SHLD2: variants seen among roughly 807,000 people sequenced by gnomAD.
SHLD2 encodes shieldin complex subunit 2, also known as RINN1-REV7-interacting novel NHEJ regulator 2.
Under a neutral mutation model 73.2 loss-of-function variants are expected in SHLD2, and 30 were observed. The observed-to-expected ratio is 0.41, with a 90% CI of 0.31 to 0.56. The LOEUF is 0.56. Among genes scored for constraint, SHLD2 ranks in the 20% least tolerant of loss-of-function variants. The probability of loss-of-function intolerance (pLI) is 0.28; values close to 1 mark genes in which losing one functional copy is unlikely to be tolerated. For synonymous variants in SHLD2, 285 were observed against 370.1 expected (o/e 0.77, Z 2.64); for missense variants, 745 against 1,055.9 (o/e 0.71, Z 4.08).
intron 3 of SHLD2, among the ~76,000 whole-genome samples, chr10:87,154,831 G>A (rs6586060): frequency 0.72 from 109,514 of 152,116 alleles, 40,444 homozygotes; most frequent in Middle Eastern, 0.9. Flanking sequence ...GTATTTAGAA[G>A]AAGAAAACTT....
At chr10:87,148,570 G>C (rs940596025) in intron 2 of SHLD2, among the ~76,000 whole-genome samples, 90 of 144,826 alleles carry the variant, frequency 6.2e-4, no homozygotes, top group African/African-American at 2.2e-3. Flanking sequence ...GGGGGGCGGG[G>C]GTTGGTTTTA....
intron 2 of SHLD2, among the ~76,000 whole-genome samples, chr10:87,106,133 A>G (rs950922719): frequency 1.3e-5 from 2 of 152,126 alleles, no homozygotes; most frequent in African/African-American, 4.8e-5. Flanking sequence ...CCTCCCCAGT[A>G]GCTGGGATTA....
At chr10:87,146,695 G>T (rs2134276678) in intron 2 of SHLD2, among the ~76,000 whole-genome samples, 1 of 152,016 alleles carries the variant, frequency 6.6e-6, no homozygotes, top group South Asian at 2.1e-4. Context: ...GCCCAGGGAA[G>T]CCAAAAGATT....
At chr10:87,108,393 C>T (rs1842730868) in intron 2 of SHLD2, among the ~76,000 whole-genome samples, 1 of 152,102 alleles carries the variant, frequency 6.6e-6, no homozygotes, top group African/African-American at 2.4e-5. Context: ...GCTGTGTTGG[C>T]CAGGCTGGTC....
intron 2 of SHLD2, among the ~76,000 whole-genome samples, chr10:87,148,857 G>A (rs928564503): frequency 3.3e-5 from 5 of 150,980 alleles, no homozygotes; most frequent in African/African-American, 1.2e-4. Context: ...CATTTGATTT[G>A]CATATATCTA....
chr10:87,177,914 AAC>A (rs1848045464), intron 7 of SHLD2, among the ~76,000 whole-genome samples: 2 of 152,208 alleles, frequency 1.3e-5, no homozygotes, highest in Non-Finnish European at 1.5e-5. Flanking sequence ...GGATTATGTG[AAC>A]ATTCTTTTAA....
At chr10:87,115,221 T>C (rs7393897) in intron 2 of SHLD2, 38,654 of 152,040 alleles carry the variant, frequency 0.25, 5,307 homozygotes, top group Middle Eastern at 0.35. Context: ...AGCTAATTTT[T>C]GTATTTTTAG....
chr10:87,151,474 G>C lies in SHLD2; in HGVS notation c.120G>C (p.Gln40His), dbSNP rs926096323. 1 of 1,610,428 alleles carries C rather than the reference G, an allele frequency of 6.2e-7. No homozygotes were observed. The highest frequency in any genetic ancestry group is 1.3e-5 in the African/African-American group (1 of 74,732). Residue 40 changes from glutamine to histidine, a missense_variant, in exon 3 of 10, where the codon CAG (glutamine) becomes CAC (histidine). By Grantham distance (24) the Gln-to-His change is conservative. Transcript: ENST00000298786. ...TTGCTGACCCCTGGAAAAAAATTCA[G>C]CTTTTATACAGTCAACATTCTTTAT... ...MSVADPWKKIQLLYSQHSLYL... is the reference protein window; with the variant it reads ...MSVADPWKKIHLLYSQHSLYL...
chr10:87,124,207 ATAT>A (rs1169645986), intron 2 of SHLD2, among the ~76,000 whole-genome samples: 1 of 152,152 alleles, frequency 6.6e-6, no homozygotes, highest in East Asian at 1.9e-4. Context: ...TTTTTGAAAA[ATAT>A]TATACAATGA....
At chr10:87,131,011 G>A (rs1487579387) in intron 2 of SHLD2, among the ~76,000 whole-genome samples, 3 of 152,050 alleles carry the variant, frequency 2.0e-5, no homozygotes, top group Non-Finnish European at 2.9e-5. Context: ...AGGTTGCAGC[G>A]TGCTGAGATC....
At position 87,096,923 on chromosome 10, in the gene SHLD2, G is replaced by C. The variant is rs1209278778; in HGVS notation, c.-61-11G>C. The C allele has an allele frequency of 6.6e-6, 1 of 152,090 alleles. No individual in the cohort carries two copies. The highest frequency in any genetic ancestry group is 2.4e-5 in the African/African-American group (1 of 41,408). The allele number at this position is 152,090 out of a possible 1,614,324, so 9.4% of individuals were successfully genotyped here. A position where few individuals can be genotyped will look rare whatever the true frequency, so the allele number is the denominator to read the frequency against. ...CATTGTCATTAATTGTATTTGCACTGTGTTTTTCAGTGAAAAATGTACTCT... is the reference window on the plus strand; with the variant it reads ...CATTGTCATTAATTGTATTTGCACTCTGTTTTTCAGTGAAAAATGTACTCT... On this transcript the variant is annotated splice_polypyrimidine_tract_variant and intron_variant, in intron 1 of 9. Transcript: ENST00000298786.
At chr10:87,148,269 A>C (rs944781514) in intron 2 of SHLD2, among the ~76,000 whole-genome samples, 1 of 152,186 alleles carries the variant, frequency 6.6e-6, no homozygotes, top group East Asian at 1.9e-4. Context: ...CGTAATGTTG[A>C]ATGTTTGTTA....
chr10:87,175,011 G>T (rs1048609376), intron 6 of SHLD2, among the ~76,000 whole-genome samples: 1 of 151,936 alleles, frequency 6.6e-6, no homozygotes, highest in Non-Finnish European at 1.5e-5. Context: ...CAGCTACTCC[G>T]GAGGCTGAGG....
rs556183903 is a variant in SHLD2, at chr10:87,176,342, G to C, written c.2170+247G>C. ...TATTTATTATTTTGGCAGAGACAGA[G>C]TCTCCCTATGTTGCCCAGTCTGGTC... On this transcript the variant is annotated intron_variant, in intron 7 of 9. Coordinates refer to ENST00000298786, the MANE Select transcript of SHLD2 (RefSeq NM_001330112.2). Among the ~76,000 whole-genome samples, 1,114 of 152,142 alleles carry C rather than the reference G, an allele frequency of 7.3e-3. 14 individuals carry two copies. Among genetic ancestry groups the C allele is most frequent in the African/African-American group, 0.025 (1,038 of 41,484 alleles).
upstream of SHLD2, chr10:87,095,184 C>A (rs1271458286): frequency 1.5e-4 from 2 of 13,230 alleles, no homozygotes; most frequent in Non-Finnish European, 3.3e-4. Context: ...CGGGGCGGGT[C>A]GGGGCGGGCC....
intron 2 of SHLD2, among the ~76,000 whole-genome samples, chr10:87,129,764 G>C (rs998844155): frequency 2.0e-5 from 3 of 151,498 alleles, no homozygotes; most frequent in African/African-American, 7.3e-5. Context: ...GGTACTACAG[G>C]CCTGCACCGC....
intron 2 of SHLD2, among the ~76,000 whole-genome samples, chr10:87,128,957 C>T (rs1844234434): frequency 6.6e-6 from 1 of 152,132 alleles, no homozygotes; most frequent in Non-Finnish European, 1.5e-5. Context: ...GGCTGGAGTG[C>T]AGTGGCATGA....
chr10:87,094,836 C>T, upstream of SHLD2: 1 of 1,283,514 alleles, frequency 7.8e-7, no homozygotes. This position sits in a 1 kb window ranked among gnomAD's most constrained non-coding sequence, Gnocchi z 6.6. Context: ...CTCCCCGCGA[C>T]TAGGGAGGAA....
intron 2 of SHLD2, among the ~76,000 whole-genome samples, chr10:87,101,764 A>G (rs1842280844): frequency 6.6e-6 from 1 of 152,098 alleles, no homozygotes; most frequent in South Asian, 2.1e-4. Context: ...CAACAAATTA[A>G]TTAGCTGGTT....
Sources: allele counts gnomAD v4.1 joint callset (sites outside exome capture counted in the v4.1 genomes callset), GRCh38; gene constraint gnomAD v4.1.1; non-coding constraint Gnocchi (gnomAD v3.1); transcripts MANE v1.5; gene names NCBI Gene and HGNC (gene_info 2026-07-23, HGNC 2026-07-21).